Variants in LOC128092252 observed in about 807,000 individuals in gnomAD.
At chr15:50,664,618 G>A in the LOC128092252 span, among the ~76,000 whole-genome samples, 1 of 152,086 alleles carries the variant, frequency 6.6e-6, no homozygotes, top group Admixed American at 6.6e-5. Flanking sequence ...GACAAATCTA[G>A]GCTCACAGAA....
At chr15:50,655,455 AC>A in the LOC128092252 span, among the ~76,000 whole-genome samples, 134 of 144,178 alleles carry the variant, frequency 9.3e-4, 3 homozygotes, top group African/African-American at 2.2e-3. Context: ...AAACAAAAAA[AC>A]AAAAAACCTT....
At chr15:50,650,328 T>G in the LOC128092252 span, among the ~76,000 whole-genome samples, 5 of 148,526 alleles carry the variant, frequency 3.4e-5, no homozygotes, top group Non-Finnish European at 7.4e-5. Context: ...CCAGCCAGAG[T>G]AGAGATCTCA....
At chr15:50,671,307 G>A in the LOC128092252 span, among the ~76,000 whole-genome samples, 1 of 152,082 alleles carries the variant, frequency 6.6e-6, no homozygotes, top group African/African-American at 2.4e-5. Flanking sequence ...AGACCATGTA[G>A]TATCTTGTCT....
chr15:50,669,105 C>T, the LOC128092252 span, among the ~76,000 whole-genome samples: 2 of 152,082 alleles, frequency 1.3e-5, no homozygotes, highest in Non-Finnish European at 2.9e-5. Flanking sequence ...TTACCCAATA[C>T]ATAAAGGTAT....
the LOC128092252 span, among the ~76,000 whole-genome samples, chr15:50,652,072 C>G: frequency 6.6e-6 from 1 of 151,686 alleles, no homozygotes. Context: ...GTGGCTCATG[C>G]CTGTAATCCC....
the LOC128092252 span, chr15:50,686,597 GCC>G: frequency 6.3e-7 from 1 of 1,597,066 alleles, no homozygotes; most frequent in Non-Finnish European, 8.5e-7. Flanking sequence ...GCGGCCTGTA[GCC>G]ATCTATCGGG....
At chr15:50,685,605 A>T in the LOC128092252 span, among the ~76,000 whole-genome samples, 131 of 152,372 alleles carry the variant, frequency 8.6e-4, 2 homozygotes, top group East Asian at 0.014. Context: ...CAAACTTGCC[A>T]GACTCCAGCA....
chr15:50,653,619 C>T, the LOC128092252 span, among the ~76,000 whole-genome samples: 3 of 152,118 alleles, frequency 2.0e-5, no homozygotes, highest in African/African-American at 4.8e-5. Flanking sequence ...GGCAATTTCT[C>T]AATCATAGAG....
chr15:50,679,511 A>ATAATATATTT, the LOC128092252 span, among the ~76,000 whole-genome samples: 1 of 75,458 alleles, frequency 1.3e-5, no homozygotes, highest in Non-Finnish European at 2.2e-5. Flanking sequence ...GTATATATAT[A>ATAATATATTT]ATATATATAT....
the LOC128092252 span, among the ~76,000 whole-genome samples, chr15:50,664,883 T>C: frequency 6.6e-6 from 1 of 152,256 alleles, no homozygotes; most frequent in South Asian, 2.1e-4. Flanking sequence ...GAGGATCACT[T>C]GAGCCTGGGA....
the LOC128092252 span, among the ~76,000 whole-genome samples, chr15:50,653,759 G>GA: frequency 3.3e-5 from 5 of 152,008 alleles, no homozygotes; most frequent in African/African-American, 4.8e-5. Flanking sequence ...AGACAAGAAG[G>GA]AAAAAAATCT....
At chr15:50,663,192 G>A in the LOC128092252 span, 1 of 619,234 alleles carries the variant, frequency 1.6e-6, no homozygotes, top group Non-Finnish European at 2.7e-6. Context: ...GCAATGGTGT[G>A]ATCTTGGCTC....
chr15:50,677,814 C>T, the LOC128092252 span, among the ~76,000 whole-genome samples: 1 of 148,886 alleles, frequency 6.7e-6, no homozygotes, highest in South Asian at 2.1e-4. Context: ...CCAATATACA[C>T]TCCAAAATGA....
chr15:50,678,275 A>C, the LOC128092252 span, among the ~76,000 whole-genome samples: 10 of 150,694 alleles, frequency 6.6e-5, no homozygotes, highest in Admixed American at 6.6e-5. Context: ...AAAAACAAAA[A>C]CAAAAACCAA....
At chr15:50,652,103 C>T in the LOC128092252 span, among the ~76,000 whole-genome samples, 3 of 151,220 alleles carry the variant, frequency 2.0e-5, no homozygotes, top group African/African-American at 7.3e-5. Flanking sequence ...GGGGCCGAGG[C>T]GGGTGGACCA....
chr15:50,672,342 C>T, the LOC128092252 span, among the ~76,000 whole-genome samples: 1 of 151,886 alleles, frequency 6.6e-6, no homozygotes, highest in Non-Finnish European at 1.5e-5. Context: ...AGGCGTGAGC[C>T]ACCTCGCCCG....
chr15:50,662,615 T>C, the LOC128092252 span, among the ~76,000 whole-genome samples: 1 of 152,160 alleles, frequency 6.6e-6, no homozygotes. Context: ...AGATGCCCAA[T>C]AGATACACAA....
chr15:50,658,726 A>G, the LOC128092252 span, among the ~76,000 whole-genome samples: 13 of 152,260 alleles, frequency 8.5e-5, no homozygotes, highest in African/African-American at 2.9e-4. Context: ...TTCCAGTTCT[A>G]AAAGCATAGG....
chr15:50,660,575 A>T, the LOC128092252 span, among the ~76,000 whole-genome samples: 2 of 152,160 alleles, frequency 1.3e-5, no homozygotes, highest in Non-Finnish European at 2.9e-5. Flanking sequence ...GAATCGCTTG[A>T]ACCCGGAAGG....
Sources: allele counts gnomAD v4.1 joint callset (sites outside exome capture counted in the v4.1 genomes callset), GRCh38; gene constraint gnomAD v4.1.1; transcripts MANE v1.5.